CCSER1: variants seen among roughly 807,000 people sequenced by gnomAD.
CCSER1 encodes serine-rich coiled-coil domain-containing protein 1.
A neutral mutation model predicts 82.0 loss-of-function variants in CCSER1; 41 were observed. The ratio of observed to expected loss-of-function variants is 0.50; its 90% confidence interval spans 0.39 to 0.65. CCSER1 has a LOEUF of 0.65. Among genes scored for constraint, CCSER1 ranks in the 30% least tolerant of loss-of-function variants. CCSER1 has a pLI of 0.00. For synonymous variants in CCSER1, 414 were observed against 383.9 expected, an observed-to-expected ratio of 1.08 and a Z score of -0.92; for missense variants, 1,119 against 1,064.2, an observed-to-expected ratio of 1.05 and a Z score of -0.72.
At chr4:90,524,567 C>G (rs555943008) in intron 5 of CCSER1, among the ~76,000 whole-genome samples, 1 of 152,138 alleles carries the variant, frequency 6.6e-6, no homozygotes, top group Non-Finnish European at 1.5e-5. Context: ...CTCCCAGGTA[C>G]AAGCGATTCT....
intron 6 of CCSER1, among the ~76,000 whole-genome samples, chr4:90,684,302 ATTATC>A (rs1734417403): frequency 6.6e-6 from 1 of 152,288 alleles, no homozygotes; most frequent in African/African-American, 2.4e-5. Flanking sequence ...TTGAGATGTA[ATTATC>A]TTATTTCTAA....
rs537274430 is a variant in CCSER1, at chr4:90,929,401, G to A, written c.2172+5954G>A. ...AAGTATTTAAAAATTACTGCGTTATGCCTTTTAGAATGAAGTATTAAACTC... is the reference window on the plus strand; with the variant it reads ...AAGTATTTAAAAATTACTGCGTTATACCTTTTAGAATGAAGTATTAAACTC... On this transcript the variant is annotated intron_variant, in intron 9 of 10. Coordinates refer to ENST00000509176, the MANE Select transcript of CCSER1 (RefSeq NM_001145065.2). 1.0e-3 allele frequency among the ~76,000 whole-genome samples: 154 copies of A among 152,208 alleles called. 2 individuals carry two copies. In the South Asian group the frequency reaches 0.031, roughly 31 times the overall value.
rs1730342791 is a variant in CCSER1 at position 90,933,024 on chromosome 4, GAAAGAAAGA to G, written c.2172+9580_2172+9588del. On this transcript the variant is annotated intron_variant, in intron 9 of 10. Coordinates refer to ENST00000509176, the MANE Select transcript of CCSER1 (RefSeq NM_001145065.2). ...AGAAAGAAAGAAAGAAAGAAAGAAAGAAAGAAAGAAAGAAAGAAAGAGAAGGAAGGAACG... is the reference window on the plus strand; with the variant it reads ...AGAAAGAAAGAAAGAAAGAAAGAAAGAAGAAAGAAAGAGAAGGAAGGAACG... Among the ~76,000 whole-genome samples the G allele has an allele frequency of 2.3e-5, 2 of 87,482 alleles. 1 individual carries two copies. The allele number at this position is 87,482 out of a possible 152,430, so 57.4% of individuals were successfully genotyped here.
At chr4:90,822,742 A>AG (rs1048677410) in intron 8 of CCSER1, among the ~76,000 whole-genome samples, 9 of 151,842 alleles carry the variant, frequency 5.9e-5, no homozygotes, top group Non-Finnish European at 1.3e-4. Context: ...AAAAAAAAAA[A>AG]AAAAAAAGTT....
At chr4:91,596,121 A>G (rs1046221296) in intron 10 of CCSER1, among the ~76,000 whole-genome samples, 2 of 152,150 alleles carry the variant, frequency 1.3e-5, no homozygotes, top group Admixed American at 6.6e-5. Flanking sequence ...TAAGTACCAG[A>G]TACTGTACCA....
intron 10 of CCSER1, among the ~76,000 whole-genome samples, chr4:91,351,245 A>G (rs1336601924): frequency 6.6e-6 from 1 of 152,074 alleles, no homozygotes; most frequent in Admixed American, 6.5e-5. Flanking sequence ...ATGTTGCACA[A>G]TACTCAATTG....
intron 6 of CCSER1, chr4:90,641,933 CT>C: frequency 2.9e-6 from 1 of 340,828 alleles, no homozygotes; most frequent in Non-Finnish European, 6.6e-6. Flanking sequence ...GCATGTCTAA[CT>C]TTCAGTTTTC....
chr4:90,479,840 T>G (rs1765662164), intron 5 of CCSER1, among the ~76,000 whole-genome samples: 1 of 152,208 alleles, frequency 6.6e-6, no homozygotes, highest in African/African-American at 2.4e-5. Flanking sequence ...TAAACATACG[T>G]GTGCATGTGT....
intron 1 of CCSER1, among the ~76,000 whole-genome samples, chr4:90,232,860 A>G (rs1222840324): frequency 2.6e-5 from 4 of 151,766 alleles, no homozygotes; most frequent in Non-Finnish European, 4.4e-5. Flanking sequence ...GCAGCCAAAA[A>G]CCACATGAAA....
intron 1 of CCSER1, among the ~76,000 whole-genome samples, chr4:90,286,626 G>A (rs1231625713): frequency 6.6e-6 from 1 of 151,954 alleles, no homozygotes; most frequent in Non-Finnish European, 1.5e-5. Context: ...TAATTTTACT[G>A]AACATTTGTA....
At chr4:90,314,763 A>AAAAT (rs910761425) in intron 3 of CCSER1, among the ~76,000 whole-genome samples, 7 of 151,616 alleles carry the variant, frequency 4.6e-5, no homozygotes, top group East Asian at 1.9e-4. Flanking sequence ...AGATAAATAA[A>AAAAT]AAATAAATAA....
In CCSER1 at chr4:91,513,863, T is replaced by C. The variant is rs1449633319; in HGVS notation, c.2218-84709T>C. ...TATCTTCTCTCCCTTTTACTTCAAG[T>C]AGCTAGCAGTCTATCAATGTTGTTT... On this transcript the variant is annotated intron_variant, in intron 10 of 10. Transcript: ENST00000509176. Among the ~76,000 whole-genome samples, 4 of 152,058 alleles carry C rather than the reference T, an allele frequency of 2.6e-5. No homozygotes were observed. In the East Asian group the frequency reaches 7.7e-4, roughly 29 times the overall value.
chr4:90,930,445 T>TA (rs975528004), intron 9 of CCSER1, among the ~76,000 whole-genome samples: 6 of 150,292 alleles, frequency 4.0e-5, no homozygotes, highest in South Asian at 2.1e-4. Flanking sequence ...ACTAAAAATT[T>TA]AAAAAAAAAA....
intron 10 of CCSER1, among the ~76,000 whole-genome samples, chr4:91,199,871 T>C (rs1735764174): frequency 6.6e-6 from 1 of 151,992 alleles, no homozygotes; most frequent in East Asian, 1.9e-4. Flanking sequence ...TTCCACAGTT[T>C]TAAGATAATT....
intron 5 of CCSER1, among the ~76,000 whole-genome samples, chr4:90,585,794 G>C (rs1255377789): frequency 6.6e-6 from 1 of 152,038 alleles, no homozygotes; most frequent in African/African-American, 2.4e-5. Context: ...CATCCCAGTA[G>C]CATGTTAATT....
intron 4 of CCSER1, among the ~76,000 whole-genome samples, chr4:90,428,046 T>C (rs1006727301): frequency 1.3e-5 from 2 of 151,910 alleles, no homozygotes; most frequent in African/African-American, 4.8e-5. Context: ...TGTTATAGAT[T>C]GATGTGCTAA....
At chr4:90,132,267 A>G (rs1722943084) in intron 1 of CCSER1, among the ~76,000 whole-genome samples, 1 of 152,182 alleles carries the variant, frequency 6.6e-6, no homozygotes, top group Non-Finnish European at 1.5e-5. Context: ...TATCATTTCG[A>G]TAATGTAATC....
At chr4:91,583,198 C>CTT (rs1374901770) in intron 10 of CCSER1, among the ~76,000 whole-genome samples, 1 of 151,122 alleles carries the variant, frequency 6.6e-6, no homozygotes, top group East Asian at 1.9e-4. Flanking sequence ...TTATTGTGTT[C>CTT]TTATATCCCT....
At chr4:90,407,256 G>A (rs1401336804) in intron 4 of CCSER1, among the ~76,000 whole-genome samples, 2 of 152,096 alleles carry the variant, frequency 1.3e-5, no homozygotes, top group Non-Finnish European at 2.9e-5. Context: ...TAAACTAGTG[G>A]AGATGGATAA....
Sources: allele counts gnomAD v4.1 joint callset (sites outside exome capture counted in the v4.1 genomes callset), GRCh38; gene constraint gnomAD v4.1.1; transcripts MANE v1.5; gene names NCBI Gene and HGNC (gene_info 2026-07-23, HGNC 2026-07-21).